USP49: variants seen among roughly 807,000 people sequenced by gnomAD.
The protein encoded by USP49 is ubiquitin carboxyl-terminal hydrolase 49.
Under a neutral mutation model 58.6 loss-of-function variants are expected in USP49, and 24 were observed. The observed-to-expected ratio is 0.41, with a 90% CI of 0.30 to 0.58. The LOEUF is 0.58. Ranked by LOEUF, USP49 falls within the 20% of genes least tolerant of loss-of-function variation. USP49 has a pLI of 0.30. For missense variants in USP49, 703 were observed against 866.1 expected, an observed-to-expected ratio of 0.81 and a Z score of 2.36; for synonymous variants, 408 against 365.1, an observed-to-expected ratio of 1.12 and a Z score of -1.34.
At position 41,790,723 on chromosome 6, in the gene USP49, G is replaced by A. The variant is rs1772783043; in HGVS notation, c.*5810C>T. On this transcript the variant is annotated 3_prime_UTR_variant, in exon 8 of 8. Coordinates refer to ENST00000682992, the MANE Select transcript of USP49 (RefSeq NM_001286554.2). ...TGCTGGCATAAATATTAAGAAAATT[G>A]TTTGAGAATTAGATTTTTTTAGTAT... 6.6e-6 allele frequency: 1 copy of A among 152,140 alleles called. No homozygotes were observed. Among genetic ancestry groups the A allele is most frequent in the Admixed American group, 6.5e-5 (1 of 15,272 alleles). The allele number at this position is 152,140 out of a possible 1,614,324, so 9.4% of individuals were successfully genotyped here.
intron 3 of USP49, among the ~76,000 whole-genome samples, chr6:41,827,675 C>T (rs1487049899): frequency 1.1e-5 from 1 of 92,326 alleles, no homozygotes; most frequent in Non-Finnish European, 2.1e-5. Flanking sequence ...ACTCTGTCTC[C>T]AAAAAAAAAA....
chr6:41,806,134 G>A lies in USP49; in HGVS notation c.850C>T (p.Leu284Phe). The A allele has an allele frequency of 6.2e-7, 1 of 1,613,866 alleles. No homozygotes were observed. The highest frequency in any genetic ancestry group is 8.5e-7 in the Non-Finnish European group (1 of 1,180,052). The change falls in exon 4 of 8, where the codon CTT (leucine) becomes TTT (phenylalanine). Residue 284 changes from leucine (L) to phenylalanine (F), a missense_variant. By Grantham distance (22) the Leu-to-Phe change is conservative. This residue lies in a region of USP49 where 97 missense variants were observed against 88.0 expected (regional missense o/e 1.10). Coordinates refer to ENST00000682992, the MANE Select transcript of USP49 (RefSeq NM_001286554.2). This position sits in a 1 kb window ranked among gnomAD's most constrained non-coding sequence, Gnocchi z 5.9. ...LQKFRECFLN[L>F]DPSKTEHLFP... ...AGATGTTCCGTTTTGGAAGGGTCAA[G>A]GTTGAGGAAACATTCTCGGAACTTC...
intron 2 of USP49, among the ~76,000 whole-genome samples, chr6:41,886,164 A>C (rs1305995256): frequency 2.0e-5 from 3 of 152,238 alleles, no homozygotes; most frequent in Non-Finnish European, 4.4e-5. Flanking sequence ...GCATGCAATC[A>C]GTGTATAGCC....
At chr6:41,886,058 A>G (rs1201825132) in intron 2 of USP49, among the ~76,000 whole-genome samples, 1 of 152,190 alleles carries the variant, frequency 6.6e-6, no homozygotes, top group South Asian at 2.1e-4. Context: ...TTGCTTTCTC[A>G]TCTTTACTTA....
chr6:41,870,088 A>G (rs1477205607), intron 3 of USP49, among the ~76,000 whole-genome samples: 1 of 152,252 alleles, frequency 6.6e-6, no homozygotes, highest in East Asian at 1.9e-4. Context: ...TGTATCAGAG[A>G]AAAATTTATG....
chr6:41,850,318 C>T (rs1774004028), intron 3 of USP49, among the ~76,000 whole-genome samples: 1 of 151,790 alleles, frequency 6.6e-6, no homozygotes, highest in Non-Finnish European at 1.5e-5. Context: ...TGGCACACGC[C>T]TCTAGTCCCA....
intron 2 of USP49, among the ~76,000 whole-genome samples, chr6:41,889,388 A>G (rs994912630): frequency 6.6e-6 from 1 of 152,222 alleles, no homozygotes; most frequent in Non-Finnish European, 1.5e-5. Flanking sequence ...AGCTCCTTGA[A>G]GCTACATAAG....
intron 3 of USP49, among the ~76,000 whole-genome samples, chr6:41,837,462 G>A (rs1468402142): frequency 6.6e-6 from 1 of 152,114 alleles, no homozygotes; most frequent in Non-Finnish European, 1.5e-5. Flanking sequence ...AACTCAACAT[G>A]GGTTAAAGAC....
chr6:41,847,835 A>C (rs944216522), intron 3 of USP49, among the ~76,000 whole-genome samples: 10 of 152,212 alleles, frequency 6.6e-5, no homozygotes, highest in African/African-American at 2.4e-4. Flanking sequence ...AACTCAGAAG[A>C]GGGAGAGACA....
intron 3 of USP49, 58 bp from the exon 4 acceptor site, chr6:41,807,069 A>G (rs1482044816): frequency 1.3e-5 from 16 of 1,187,744 alleles, no homozygotes; most frequent in African/African-American, 3.7e-5. Context: ...TTAGAAAAAT[A>G]TTTTCCTTAA....
At chr6:41,878,920 A>C (rs1259733732) in intron 2 of USP49, among the ~76,000 whole-genome samples, 1 of 152,206 alleles carries the variant, frequency 6.6e-6, no homozygotes. Context: ...AGCAACACAC[A>C]GGCCCAAGAT....
chr6:41,847,249 T>A (rs1438898866), intron 3 of USP49, among the ~76,000 whole-genome samples: 1 of 152,296 alleles, frequency 6.6e-6, no homozygotes, highest in South Asian at 2.1e-4. Flanking sequence ...CTGTTATAGA[T>A]GCTCAATGAG....
Position 41,803,806 on chromosome 6 carries a change from T to A in USP49, c.1561A>T (p.Ser521Cys). Residue 521 changes from serine (S) to cysteine (C), a missense_variant and splice_region_variant, in exon 5 of 8, where the codon AGC (serine) becomes TGC (cysteine). This residue lies in a region of USP49 where 158 missense variants were observed against 241.2 expected (regional missense o/e 0.66). Transcript: ENST00000682992. This position sits in a 1 kb window ranked among gnomAD's most constrained non-coding sequence, Gnocchi z 4.1. ...GRIYACDQCN[S>C]KRRKSNPKPL... ...GCCCCCTCCTCCACACAGCACTCAC[T>A]GTTACACTGGTCACAAGCGTAGATT... The A allele has an allele frequency of 6.2e-7, 1 of 1,614,122 alleles. No homozygotes were observed. The highest frequency in any genetic ancestry group is 8.5e-7 in the Non-Finnish European group (1 of 1,179,964).
intron 3 of USP49, among the ~76,000 whole-genome samples, chr6:41,861,242 G>A (rs1774216476): frequency 6.6e-6 from 1 of 152,050 alleles, no homozygotes; most frequent in Non-Finnish European, 1.5e-5. Context: ...AGGAGATCAA[G>A]ACCATCCTGG....
At chr6:41,873,101 TGAG>T (rs891803684) in intron 2 of USP49, 1 of 151,776 alleles carries the variant, frequency 6.6e-6, no homozygotes, top group African/African-American at 2.4e-5. Context: ...GGGAGAAGAA[TGAG>T]GAGGAGAGGG....
intron 2 of USP49, among the ~76,000 whole-genome samples, chr6:41,886,239 T>C (rs1774708871): frequency 1.3e-5 from 2 of 152,228 alleles, no homozygotes; most frequent in South Asian, 2.1e-4. Context: ...AAGATGTAAA[T>C]GTTAGCAATG....
In USP49 at chr6:41,870,512, TAAAGTC is replaced by T. The variant is rs1485871395; in HGVS notation, c.-29+1046_-29+1051del. ...AAAAAACTTTTATATCTCATAAACT[TAAAGTC>T]AAACCTTTTACTGAGCTTTCTGTAG... On this transcript the variant is annotated intron_variant, in intron 3 of 7. Coordinates refer to ENST00000682992, the MANE Select transcript of USP49 (RefSeq NM_001286554.2). 1.1e-4 allele frequency among the ~76,000 whole-genome samples: 16 copies of T among 152,250 alleles called. No homozygotes were observed. In the East Asian group the frequency reaches 3.1e-3, roughly 29 times the overall value.
At chr6:41,868,463 G>A (rs1241730241) in intron 3 of USP49, among the ~76,000 whole-genome samples, 1 of 152,032 alleles carries the variant, frequency 6.6e-6, no homozygotes, top group South Asian at 2.1e-4. Flanking sequence ...GAGTAGCTGG[G>A]ATTACAGGCA....
intron 3 of USP49, among the ~76,000 whole-genome samples, chr6:41,845,442 C>A (rs1343051002): frequency 6.6e-6 from 1 of 151,950 alleles, no homozygotes; most frequent in Non-Finnish European, 1.5e-5. Flanking sequence ...ATCGCTTGAA[C>A]CCAGGAGGCG....
Sources: gnomAD v4.1 joint callset for allele counts (sites outside exome capture counted in the v4.1 genomes callset) on GRCh38, gnomAD v4.1.1 for gene constraint, gnomAD v4.1.1 regional missense constraint, Gnocchi (gnomAD v3.1) non-coding constraint, MANE v1.5 for transcripts, NCBI Gene and HGNC (gene_info 2026-07-23, HGNC 2026-07-21) for gene names.